The following ASAP1 variants were observed in gnomAD, a reference collection of about 807,000 sequenced individuals.
ASAP1 encodes arf-GAP with SH3 domain, ANK repeat and PH domain-containing protein 1.
In ASAP1, 43 loss-of-function variants were observed where a neutral mutation model predicts 145.2. The observed-to-expected ratio is 0.30, with a 90% CI of 0.23 to 0.38. The LOEUF is 0.38. Ranked by LOEUF, ASAP1 falls within the 10% of genes least tolerant of loss-of-function variation. The pLI, the probability that ASAP1 is intolerant of heterozygous loss-of-function variation, is 1.00. For synonymous variants in ASAP1, 546 were observed against 515.5 expected, an observed-to-expected ratio of 1.06 and a Z score of -0.80; for missense variants, 1,018 against 1,355.3, an observed-to-expected ratio of 0.75 and a Z score of 3.91.
chr8:130,057,870 G>A, intron 29 of ASAP1, 84 bp downstream of exon 29: 1 of 1,557,286 alleles, frequency 6.4e-7, no homozygotes, highest in Admixed American at 1.7e-5. Flanking sequence ...CTCTTTTACT[G>A]CACTGTCTGT....
intron 3 of ASAP1, among the ~76,000 whole-genome samples, chr8:130,261,228 T>G (rs1402528961): frequency 6.6e-6 from 1 of 152,226 alleles, no homozygotes; most frequent in Non-Finnish European, 1.5e-5. Context: ...GCGATGTATG[T>G]GTACACATGA....
chr8:130,123,364 G>A (rs1007887462), intron 18 of ASAP1, among the ~76,000 whole-genome samples: 2 of 152,086 alleles, frequency 1.3e-5, no homozygotes, highest in African/African-American at 4.8e-5. Flanking sequence ...ATTTTTGCCA[G>A]GCTAAAAGGA....
intron 1 of ASAP1, among the ~76,000 whole-genome samples, chr8:130,418,059 G>C (rs542927385): frequency 6.6e-6 from 1 of 152,318 alleles, no homozygotes; most frequent in South Asian, 2.1e-4. Flanking sequence ...AGGAGAACTT[G>C]CCCCAAGGCC....
At chr8:130,065,876 G>A (rs1467037505) in intron 27 of ASAP1, among the ~76,000 whole-genome samples, 1 of 152,156 alleles carries the variant, frequency 6.6e-6, no homozygotes, top group Non-Finnish European at 1.5e-5. Context: ...ACCGCTATTG[G>A]ACCTTAGGAT....
intron 2 of ASAP1, among the ~76,000 whole-genome samples, chr8:130,395,025 A>C (rs1277098407): frequency 6.6e-6 from 1 of 152,196 alleles, no homozygotes; most frequent in Non-Finnish European, 1.5e-5. Context: ...TCAGCATAAG[A>C]AGCAAAAACT....
intron 4 of ASAP1, among the ~76,000 whole-genome samples, chr8:130,224,946 A>T (rs1050362435): frequency 7.2e-5 from 11 of 152,240 alleles, no homozygotes; most frequent in African/African-American, 2.4e-4. Flanking sequence ...CATTCCCAAC[A>T]GCAATGCACA....
chr8:130,206,081 G>T (rs895563166), intron 5 of ASAP1, among the ~76,000 whole-genome samples: 4 of 152,060 alleles, frequency 2.6e-5, no homozygotes, highest in Admixed American at 6.6e-5. Flanking sequence ...AATAGAAGGA[G>T]TTAAAAATAA....
At chr8:130,217,493 GTATAT>G (rs879940860) in intron 4 of ASAP1, among the ~76,000 whole-genome samples, 4 of 149,450 alleles carry the variant, frequency 2.7e-5, no homozygotes, top group East Asian at 2.0e-4. Flanking sequence ...ACGTATATAT[GTATAT>G]TATATGTGTA....
intron 2 of ASAP1, among the ~76,000 whole-genome samples, chr8:130,368,007 C>A (rs139507832): frequency 6.6e-6 from 1 of 152,120 alleles, no homozygotes; most frequent in Non-Finnish European, 1.5e-5. Context: ...ATTTAGTTAA[C>A]GTCCTTTTTC....
At chr8:130,175,314 A>G (rs2136131795) in intron 9 of ASAP1, among the ~76,000 whole-genome samples, 1 of 152,202 alleles carries the variant, frequency 6.6e-6, no homozygotes, top group East Asian at 1.9e-4. Flanking sequence ...TTGATCTCCC[A>G]GGCTCAAGCG....
intron 15 of ASAP1, among the ~76,000 whole-genome samples, chr8:130,132,435 C>G (rs533448958): frequency 2.6e-5 from 4 of 152,288 alleles, no homozygotes; most frequent in African/African-American, 9.6e-5. Context: ...TTCCATCCTC[C>G]TGTTTCTGTG....
chr8:130,355,247 A>G (rs1393927923), intron 3 of ASAP1, among the ~76,000 whole-genome samples: 1 of 152,220 alleles, frequency 6.6e-6, no homozygotes, highest in Non-Finnish European at 1.5e-5. Context: ...AAGCATCAAC[A>G]TCTGCACAAC....
chr8:130,060,986 C>A lies in ASAP1; in HGVS notation c.2785G>T (p.Glu929Ter). 1 of 1,581,054 alleles carries A rather than the reference C, an allele frequency of 6.3e-7. No homozygotes were observed. Among genetic ancestry groups the A allele is most frequent in the Non-Finnish European group, 8.6e-7 (1 of 1,166,222 alleles). Reference protein sequence around the residue: ...EIFQKSSQLAELPQKPPPGDL... With the variant: ...EIFQKSSQLA ...CCAGGTGGTGGCTTTTGTGGCAACT[C>A]TGCCAACTGTGATGATTTCTGAAAG... Residue 929 changes from glutamate (E) to a stop codon, truncating the protein, a stop_gained, in exon 28 of 30, where the codon GAG becomes TAG. Transcript: ENST00000518721. LOFTEE classifies it high-confidence loss of function.
chr8:130,060,679 T>C lies in ASAP1; in HGVS notation c.3092A>G (p.Gln1031Arg). ...SHPLDLSPNV[Q>R]SRDAIQKQAS... ...TTGCTTTTGGATGGCGTCTCTGGAC[T>C]GCACATTTGGGGATAGATCCAATGG... The change falls in exon 28 of 30, where the codon CAG becomes CGG. Residue 1031 changes from glutamine to arginine, a missense_variant. Physicochemically the swap from Gln to Arg is conservative, Grantham distance 43. Coordinates refer to ENST00000518721, the MANE Select transcript of ASAP1 (RefSeq NM_018482.4). 6.2e-7 allele frequency: 1 copy of C among 1,614,224 alleles called. No homozygotes were observed. Among genetic ancestry groups the C allele is most frequent in the South Asian group, 1.1e-5 (1 of 91,088 alleles).
intron 2 of ASAP1, among the ~76,000 whole-genome samples, chr8:130,382,246 A>T (rs71522572): frequency 7.4e-6 from 1 of 135,280 alleles, no homozygotes; most frequent in African/African-American, 2.8e-5. Flanking sequence ...AGATTGCGCC[A>T]CTGCACTCCA....
At chr8:130,237,029 G>A in intron 3 of ASAP1, 35 bp from the exon 4 acceptor site, 1 of 1,460,688 alleles carries the variant, frequency 6.8e-7, no homozygotes, top group Non-Finnish European at 9.3e-7. Context: ...GATATTAGAA[G>A]ATTTGGTAAA....
chr8:130,327,808 G>GT (rs1157222123), intron 3 of ASAP1, among the ~76,000 whole-genome samples: 1 of 152,138 alleles, frequency 6.6e-6, no homozygotes, highest in Non-Finnish European at 1.5e-5. Context: ...TGATAAAAAT[G>GT]TTCTAAAATT....
intron 2 of ASAP1, among the ~76,000 whole-genome samples, chr8:130,401,019 T>C (rs1414578020): frequency 6.6e-6 from 1 of 151,618 alleles, no homozygotes; most frequent in African/African-American, 2.4e-5. Flanking sequence ...TAGCTGGGAT[T>C]ACAGGCGCCT....
intron 3 of ASAP1, among the ~76,000 whole-genome samples, chr8:130,238,263 C>T (rs1457502151): frequency 1.3e-5 from 2 of 152,128 alleles, no homozygotes; most frequent in African/African-American, 2.4e-5. Context: ...AATGCTCAGT[C>T]GCTTTCTGGT....
Sources: allele counts gnomAD v4.1 joint callset (sites outside exome capture counted in the v4.1 genomes callset), GRCh38; gene constraint gnomAD v4.1.1; transcripts MANE v1.5; gene names NCBI Gene and HGNC (gene_info 2026-07-23, HGNC 2026-07-21).